NUP42: variants seen among roughly 807,000 people sequenced by gnomAD.
NUP42 encodes nucleoporin 42.
A neutral mutation model predicts 35.9 loss-of-function variants in NUP42; 47 were observed. That is an observed-to-expected ratio of 1.31 (90% CI 1.04 to 1.67). The LOEUF is 1.67. Ranked by LOEUF, NUP42 falls within the 40% of genes most tolerant of loss-of-function variation. NUP42 has a pLI of 0.00. For synonymous variants in NUP42, 173 were observed against 173.3 expected (o/e 1.00, Z 0.01); for missense variants, 514 against 492.2 (o/e 1.04, Z -0.42).
At chr7:23,197,178 C>G (rs1637215) in intron 5 of NUP42, 49,924 of 1,288,256 alleles carry the variant, frequency 0.039, 1,376 homozygotes, top group South Asian at 0.097. Context: ...AACAGAAATG[C>G]CTTTGGAAGA....
rs533580077 is a variant in NUP42 at position 23,186,263 on chromosome 7, T to C, written c.351-789T>C. Among the ~76,000 whole-genome samples, 7 of 152,362 alleles carry C rather than the reference T, an allele frequency of 4.6e-5. No individual in the cohort carries two copies. In the South Asian group the frequency reaches 1.0e-3, roughly 23 times the overall value. Reference sequence around the variant, plus strand: ...ATGTAATTGGTTAGTCTTTTACTTATCCTAATTAAATCAGAACCAGTTGTA... The same window carrying C: ...ATGTAATTGGTTAGTCTTTTACTTACCCTAATTAAATCAGAACCAGTTGTA... On this transcript the variant is annotated intron_variant, in intron 2 of 6. Transcript: ENST00000258742.
At chr7:23,197,040 T>C in intron 5 of NUP42, 2 of 456,832 alleles carry the variant, frequency 4.4e-6, no homozygotes, top group Non-Finnish European at 7.7e-6. Flanking sequence ...GGCAAACTAT[T>C]ACATAAGTTT....
chr7:23,183,689 T>G (rs1258570326), intron 1 of NUP42, among the ~76,000 whole-genome samples: 2 of 150,400 alleles, frequency 1.3e-5, no homozygotes, highest in African/African-American at 2.4e-5. Context: ...GCAGACAAAT[T>G]GTATTTAGCT....
intron 1 of NUP42, 56 bp downstream of exon 1, chr7:23,182,262 G>T: frequency 1.3e-6 from 2 of 1,544,770 alleles, no homozygotes. Flanking sequence ...CCGCCGGCGG[G>T]GACCGGGCGT....
rs149868774 is a variant in NUP42, at chr7:23,185,133, G to C, written c.185G>C (p.Ser62Thr). 435 of 1,614,164 alleles carry C rather than the reference G, an allele frequency of 2.7e-4. 1 individual carries two copies. In the African/African-American group the frequency reaches 3.1e-3, roughly 12 times the overall value. Residue 62 changes from serine to threonine, a missense_variant, in exon 2 of 7, where the codon AGT (serine) becomes ACT (threonine). Transcript: ENST00000258742. ...TATTCCAATGTCATCCAGCCATCCA[G>C]TTTCTCCAAATCCACACCATGGGGG... ...QRYSNVIQPS[S>T]FSKSTPWGGS...
At chr7:23,193,900 G>T (rs1454376001) in intron 3 of NUP42, among the ~76,000 whole-genome samples, 2 of 152,258 alleles carry the variant, frequency 1.3e-5, no homozygotes, top group African/African-American at 4.8e-5. Flanking sequence ...CTAAGACCCG[G>T]CAAGAAATCC....
Position 23,182,459 on chromosome 7 carries a change from A to T in NUP42, c.121+253A>T, listed in dbSNP as rs1475314039. ...TGCTTGTGCGAAACTGAGTTTTTAA[A>T]TCGGAAGTACCTATCGAAACTACCT... On this transcript the variant is annotated intron_variant, in intron 1 of 6. Transcript: ENST00000258742. 5 of 1,311,254 alleles carry T rather than the reference A, an allele frequency of 3.8e-6. No homozygotes were observed. In the African/African-American group the frequency reaches 7.4e-5, roughly 19 times the overall value. The allele number at this position is 1,311,254 out of a possible 1,614,324, so 81.2% of individuals were successfully genotyped here.
chr7:23,192,534 A>G (rs1283884787), intron 3 of NUP42, among the ~76,000 whole-genome samples: 6 of 148,506 alleles, frequency 4.0e-5, no homozygotes, highest in African/African-American at 1.5e-4. Context: ...GCAACAGAGC[A>G]AGACTTCATC....
intron 3 of NUP42, 200 bp downstream of exon 3, chr7:23,187,346 T>C (rs1167072563): frequency 2.3e-5 from 10 of 437,094 alleles, no homozygotes; most frequent in Middle Eastern, 6.2e-4. Flanking sequence ...TTAAGACATA[T>C]AGTTCTTGGG....
intron 3 of NUP42, among the ~76,000 whole-genome samples, chr7:23,193,085 G>A (rs1785863045): frequency 6.6e-6 from 1 of 151,470 alleles, no homozygotes; most frequent in South Asian, 2.1e-4. Flanking sequence ...GGCCCGTCTG[G>A]AGTTGTTTGT....
intron 3 of NUP42, chr7:23,187,394 G>T (rs967433770): frequency 7.0e-6 from 2 of 285,842 alleles, no homozygotes; most frequent in Non-Finnish European, 1.3e-5. Context: ...GAGACTCTAC[G>T]TTCTTGATTC....
At chr7:23,184,743 G>A (rs1395130992) in intron 1 of NUP42, among the ~76,000 whole-genome samples, 3 of 152,308 alleles carry the variant, frequency 2.0e-5, no homozygotes, top group African/African-American at 7.2e-5. Flanking sequence ...AGTAGCTCAT[G>A]CCTATAATTC....
At position 23,185,750 on chromosome 7, in the gene NUP42, TTTATTTTGAGA is replaced by T. The variant is rs1432664498; in HGVS notation, c.350+453_350+463del. 3.9e-5 allele frequency among the ~76,000 whole-genome samples: 6 copies of T among 152,306 alleles called. No individual in the cohort carries two copies. The East Asian group carries it at 1.2e-3, about 29-fold the overall frequency. On this transcript the variant is annotated intron_variant, in intron 2 of 6. Transcript: ENST00000258742. ...ACCATCTCATTTATTTATTTATTTA[TTTATTTTGAGA>T]CGGAGTCTTGCTCTGTTGCCCAGGC...
intron 3 of NUP42, among the ~76,000 whole-genome samples, chr7:23,188,821 C>G (rs1464926023): frequency 1.3e-5 from 2 of 152,166 alleles, no homozygotes; most frequent in African/African-American, 4.8e-5. Context: ...ACTGTGTTGA[C>G]ATTTGCACTG....
intron 3 of NUP42, chr7:23,188,132 C>T: frequency 7.5e-7 from 1 of 1,331,294 alleles, no homozygotes. Flanking sequence ...ACAGTGGGTA[C>T]CTTGCAAATG....
intron 2 of NUP42, among the ~76,000 whole-genome samples, chr7:23,185,612 C>T (rs184413586): frequency 3.9e-5 from 6 of 152,154 alleles, no homozygotes; most frequent in African/African-American, 1.4e-4. Context: ...GTTGATAACA[C>T]TATATTGTGA....
At chr7:23,200,075 T>C in intron 6 of NUP42, 93 bp from the exon 7 acceptor site, 1 of 929,950 alleles carries the variant, frequency 1.1e-6, no homozygotes, top group Non-Finnish European at 1.6e-6. Flanking sequence ...ATGACATAAA[T>C]AAGAAAAAAA....
intron 3 of NUP42, chr7:23,187,941 TCTCTC>T: frequency 2.3e-6 from 1 of 444,266 alleles, no homozygotes; most frequent in Non-Finnish European, 3.9e-6. Flanking sequence ...TCTCTGTCTC[TCTCTC>T]TCTCTCTGGC....
intron 1 of NUP42, 132 bp downstream of exon 1, chr7:23,182,338 G>A: frequency 6.9e-7 from 1 of 1,459,354 alleles, no homozygotes; most frequent in Non-Finnish European, 9.0e-7. Context: ...GCCCTACTGG[G>A]CCCTGCACAA....
Sources: gnomAD v4.1 joint callset for allele counts (sites outside exome capture counted in the v4.1 genomes callset) on GRCh38, gnomAD v4.1.1 for gene constraint, MANE v1.5 for transcripts, NCBI Gene and HGNC (gene_info 2026-07-23, HGNC 2026-07-21) for gene names.